Variants in CNTN4 observed in about 807,000 individuals in gnomAD.
The protein encoded by CNTN4 is contactin-4.
In CNTN4, 77 loss-of-function variants were observed where a neutral mutation model predicts 122.5. That is an observed-to-expected ratio of 0.63 (90% CI 0.52 to 0.76). CNTN4 has a LOEUF of 0.76. CNTN4 is among the 30% of genes least tolerant of loss of function. The probability of loss-of-function intolerance (pLI) is 0.00; values close to 1 mark genes in which losing one functional copy is unlikely to be tolerated. For synonymous variants in CNTN4, 512 were observed against 447.0 expected (o/e 1.15, Z -1.83); for missense variants, 1,256 against 1,259.1 (o/e 1.00, Z 0.04).
intron 4 of CNTN4, among the ~76,000 whole-genome samples, chr3:2,589,615 A>T (rs1424043499): frequency 6.6e-6 from 1 of 152,200 alleles, no homozygotes; most frequent in Non-Finnish European, 1.5e-5. Flanking sequence ...ACCTCATGCA[A>T]ACTTTTTGGG....
At chr3:2,661,719 G>A (rs2083903799) in intron 4 of CNTN4, among the ~76,000 whole-genome samples, 1 of 149,892 alleles carries the variant, frequency 6.7e-6, no homozygotes, top group African/African-American at 2.5e-5. Flanking sequence ...GGCTGAGGCA[G>A]GAGAATCGCT....
At chr3:2,373,689 C>A (rs549101881) in intron 3 of CNTN4, among the ~76,000 whole-genome samples, 1 of 152,062 alleles carries the variant, frequency 6.6e-6, no homozygotes, top group Non-Finnish European at 1.5e-5. Flanking sequence ...ATAACATCGG[C>A]GCCTAAAATA....
intron 16 of CNTN4, among the ~76,000 whole-genome samples, chr3:3,034,312 TAATG>T (rs964433110): frequency 2.6e-5 from 4 of 152,292 alleles, no homozygotes; most frequent in African/African-American, 9.6e-5. Flanking sequence ...AATAATGAAT[TAATG>T]AATGTGGGCT....
At chr3:2,261,531 A>C (rs924210200) in intron 2 of CNTN4, among the ~76,000 whole-genome samples, 1 of 152,298 alleles carries the variant, frequency 6.6e-6, no homozygotes, top group South Asian at 2.1e-4. Flanking sequence ...AGCATTCTCT[A>C]TGTTAATAAC....
intron 10 of CNTN4, among the ~76,000 whole-genome samples, chr3:2,891,845 G>A (rs1203403599): frequency 6.6e-6 from 1 of 152,176 alleles, no homozygotes; most frequent in Non-Finnish European, 1.5e-5. Flanking sequence ...GACTCGATTT[G>A]ATTAATGTTT....
At chr3:3,042,254 C>T (rs1700229427) in intron 20 of CNTN4, 56 bp from the exon 21 acceptor site, 1 of 1,221,656 alleles carries the variant, frequency 8.2e-7, no homozygotes, top group Non-Finnish European at 1.2e-6. Flanking sequence ...CTAGTATCTA[C>T]AATCCTGTCC....
intron 2 of CNTN4, among the ~76,000 whole-genome samples, chr3:2,111,963 C>G (rs568956956): frequency 4.6e-5 from 7 of 152,180 alleles, no homozygotes; most frequent in African/African-American, 1.2e-4. Flanking sequence ...TATGTTTGCT[C>G]ATATGCTTTT....
intron 3 of CNTN4, among the ~76,000 whole-genome samples, chr3:2,488,897 G>A (rs1559600687): frequency 6.6e-6 from 1 of 152,146 alleles, no homozygotes; most frequent in African/African-American, 2.4e-5. Context: ...TAAATTGAAT[G>A]TAGGCTCCAT....
At chr3:2,269,349 A>G (rs1318436954) in intron 2 of CNTN4, among the ~76,000 whole-genome samples, 3 of 152,112 alleles carry the variant, frequency 2.0e-5, no homozygotes, top group Non-Finnish European at 2.9e-5. Context: ...GTTCTCCTGG[A>G]TGAATTTCCA....
intron 4 of CNTN4, among the ~76,000 whole-genome samples, chr3:2,606,140 G>A (rs1270699308): frequency 6.6e-6 from 1 of 152,124 alleles, no homozygotes; most frequent in Non-Finnish European, 1.5e-5. Flanking sequence ...TCGAATGGGG[G>A]GACAAAGTGG....
intron 4 of CNTN4, among the ~76,000 whole-genome samples, chr3:2,668,942 C>A (rs1358929872): frequency 6.6e-6 from 1 of 152,102 alleles, no homozygotes; most frequent in Non-Finnish European, 1.5e-5. Context: ...GGATGAAGCC[C>A]ACTTGATCAT....
At chr3:2,853,253 TTTTG>T (rs1340590077) in intron 7 of CNTN4, among the ~76,000 whole-genome samples, 1 of 152,176 alleles carries the variant, frequency 6.6e-6, no homozygotes, top group African/African-American at 2.4e-5. Context: ...TTTTGTTTTG[TTTTG>T]TTTTTGAGAC....
At chr3:2,582,902 A>G (rs1362512857) in intron 4 of CNTN4, among the ~76,000 whole-genome samples, 1 of 25,408 alleles carries the variant, frequency 3.9e-5, no homozygotes, top group Non-Finnish European at 9.9e-5. Context: ...GAGTTCTGAT[A>G]CAAAAAAAAA....
intron 2 of CNTN4, among the ~76,000 whole-genome samples, chr3:2,291,464 T>C (rs1006891155): frequency 6.6e-6 from 1 of 152,172 alleles, no homozygotes; most frequent in Non-Finnish European, 1.5e-5. Flanking sequence ...CCTTTAGATA[T>C]TTGAAGAAAA....
intron 3 of CNTN4, among the ~76,000 whole-genome samples, chr3:2,359,690 C>T (rs942672069): frequency 1.3e-5 from 2 of 152,114 alleles, no homozygotes; most frequent in African/African-American, 4.8e-5. Flanking sequence ...CAGGCGCCCA[C>T]CACCACGCCC....
intron 4 of CNTN4, among the ~76,000 whole-genome samples, chr3:2,704,684 A>G (rs935641170): frequency 2.6e-5 from 4 of 152,190 alleles, no homozygotes; most frequent in Non-Finnish European, 5.9e-5. Flanking sequence ...ATGGATTTAG[A>G]TATAGACCAT....
intron 2 of CNTN4, among the ~76,000 whole-genome samples, chr3:2,146,706 C>G (rs1430196106): frequency 6.6e-6 from 1 of 152,096 alleles, no homozygotes; most frequent in African/African-American, 2.4e-5. Flanking sequence ...ACTCTTCAGA[C>G]AGAGAGGTCT....
chr3:2,574,443 C>T lies in CNTN4; in HGVS notation c.55+2885C>T, dbSNP rs80329316. Among the ~76,000 whole-genome samples, 5 of 152,214 alleles carry T rather than the reference C, an allele frequency of 3.3e-5. No individual in the cohort carries two copies. The East Asian group carries it at 7.7e-4, about 23-fold the overall frequency. On this transcript the variant is annotated intron_variant, in intron 4 of 24. Transcript: ENST00000418658. ...CAGGATCCAAATATACAAGCAGGCT[C>T]ATCCTGCAAGGGATGCAACTGATAA...
chr3:2,379,670 A>G (rs1212109058), intron 3 of CNTN4, among the ~76,000 whole-genome samples: 4 of 152,196 alleles, frequency 2.6e-5, no homozygotes, highest in East Asian at 1.9e-4. Flanking sequence ...ATCTGTTGTC[A>G]TGACTTTTTC....
Sources: gnomAD v4.1 joint callset for allele counts (sites outside exome capture counted in the v4.1 genomes callset) on GRCh38, gnomAD v4.1.1 for gene constraint, MANE v1.5 for transcripts, NCBI Gene and HGNC (gene_info 2026-07-23, HGNC 2026-07-21) for gene names.